GALNT13: variants seen among roughly 807,000 people sequenced by gnomAD.
GALNT13 encodes polypeptide N-acetylgalactosaminyltransferase 13.
Under a neutral mutation model 64.2 loss-of-function variants are expected in GALNT13, and 28 were observed. The observed-to-expected ratio is 0.44, with a 90% confidence interval of 0.32 to 0.60. The LOEUF is 0.60. GALNT13 is among the 20% of genes least tolerant of loss of function. GALNT13 has a pLI of 0.05. For synonymous variants in GALNT13, 214 were observed against 224.6 expected, an observed-to-expected ratio of 0.95 and a Z score of 0.42; for missense variants, 577 against 669.8, an observed-to-expected ratio of 0.86 and a Z score of 1.53.
chr2:153,986,247 G>T (rs1027497718), intron 3 of GALNT13, among the ~76,000 whole-genome samples: 2 of 151,880 alleles, frequency 1.3e-5, no homozygotes, highest in Non-Finnish European at 2.9e-5. Context: ...ATGTAGAAAA[G>T]GCAACACTTT....
the GALNT13 span, among the ~76,000 whole-genome samples, chr2:153,858,086 T>G: frequency 1.3e-5 from 2 of 152,120 alleles, no homozygotes; most frequent in African/African-American, 2.4e-5. Flanking sequence ...GAAAGAGAGA[T>G]AGGTGTATCA....
chr2:154,273,483 G>C (rs1321270386), intron 8 of GALNT13, among the ~76,000 whole-genome samples: 1 of 152,140 alleles, frequency 6.6e-6, no homozygotes, highest in Non-Finnish European at 1.5e-5. Flanking sequence ...TGACTGATTT[G>C]TTCAGCATAC....
chr2:154,022,849 C>G (rs1027066667), intron 3 of GALNT13, among the ~76,000 whole-genome samples: 77 of 152,216 alleles, frequency 5.1e-4, no homozygotes, highest in South Asian at 1.7e-3. Context: ...ATAAATTTCC[C>G]TCTACACACT....
At chr2:154,326,292 A>G (rs2105177962) in intron 9 of GALNT13, among the ~76,000 whole-genome samples, 1 of 151,918 alleles carries the variant, frequency 6.6e-6, no homozygotes, top group African/African-American at 2.4e-5. Flanking sequence ...CTGAGCTTCA[A>G]AATATGATTA....
the GALNT13 span, among the ~76,000 whole-genome samples, chr2:153,636,042 TC>T: frequency 1.3e-5 from 2 of 152,114 alleles, no homozygotes; most frequent in African/African-American, 4.8e-5. Context: ...TCCATGCATT[TC>T]TATTTCACAT....
intron 3 of GALNT13, among the ~76,000 whole-genome samples, chr2:154,135,311 C>T (rs1260062537): frequency 6.6e-6 from 1 of 152,076 alleles, no homozygotes; most frequent in Non-Finnish European, 1.5e-5. Flanking sequence ...TGTGGATAAT[C>T]TCTCTTAGCT....
At chr2:154,445,930 A>C in intron 12 of GALNT13, 1 of 584,350 alleles carries the variant, frequency 1.7e-6, no homozygotes. Flanking sequence ...CAGATAAATT[A>C]ATTAATTAAA....
At chr2:154,353,037 A>G (rs1696500061) in intron 9 of GALNT13, among the ~76,000 whole-genome samples, 1 of 152,186 alleles carries the variant, frequency 6.6e-6, no homozygotes, top group East Asian at 1.9e-4. Flanking sequence ...GAAGAAAGTC[A>G]TGGGAAGAAT....
At chr2:153,114,289 C>A in the GALNT13 span, among the ~76,000 whole-genome samples, 1 of 152,084 alleles carries the variant, frequency 6.6e-6, no homozygotes. Context: ...CTTTTTCTCT[C>A]CCTGAGGCTG....
At chr2:153,254,244 G>GT in the GALNT13 span, among the ~76,000 whole-genome samples, 1 of 152,086 alleles carries the variant, frequency 6.6e-6, no homozygotes, top group East Asian at 1.9e-4. Context: ...AGATTTTCTA[G>GT]TTTATTTGCG....
intron 9 of GALNT13, among the ~76,000 whole-genome samples, chr2:154,313,006 A>G (rs1383485332): frequency 6.6e-6 from 1 of 151,952 alleles, no homozygotes; most frequent in Non-Finnish European, 1.5e-5. Context: ...GACGGTATAA[A>G]TATTATTTGT....
At chr2:153,531,787 T>A in the GALNT13 span, among the ~76,000 whole-genome samples, 1 of 152,046 alleles carries the variant, frequency 6.6e-6, no homozygotes, top group Non-Finnish European at 1.5e-5. Context: ...AAGGAAAAAA[T>A]TGACCAAAAG....
At chr2:153,173,456 C>T in the GALNT13 span, 3 of 152,202 alleles carry the variant, frequency 2.0e-5, no homozygotes, top group Admixed American at 2.0e-4. Context: ...TGGCTTGCAG[C>T]TGCATCAATC....
chr2:154,150,844 C>T (rs995498865), intron 4 of GALNT13, among the ~76,000 whole-genome samples: 8 of 151,968 alleles, frequency 5.3e-5, no homozygotes, highest in African/African-American at 1.2e-4. Flanking sequence ...GTCTTGCTAG[C>T]GGTCTATCAA....
At chr2:153,295,627 T>G in the GALNT13 span, among the ~76,000 whole-genome samples, 708 of 152,244 alleles carry the variant, frequency 4.7e-3, 3 homozygotes, top group Middle Eastern at 0.01. Context: ...GGAATTCTTT[T>G]GCGCACTAAA....
At chr2:154,355,313 G>A (rs954221527) in intron 9 of GALNT13, among the ~76,000 whole-genome samples, 2 of 152,076 alleles carry the variant, frequency 1.3e-5, no homozygotes, top group African/African-American at 4.8e-5. Context: ...AAAATATTTA[G>A]TTAAACCACA....
chr2:153,549,929 A>C, the GALNT13 span, among the ~76,000 whole-genome samples: 1 of 152,222 alleles, frequency 6.6e-6, no homozygotes, highest in African/African-American at 2.4e-5. Flanking sequence ...TTTTTTGAAG[A>C]TCTTTCTAGC....
the GALNT13 span, among the ~76,000 whole-genome samples, chr2:153,240,920 G>T: frequency 6.6e-6 from 1 of 152,110 alleles, no homozygotes; most frequent in Non-Finnish European, 1.5e-5. Flanking sequence ...AGGGTTTTCA[G>T]TTGGCGCTCC....
the GALNT13 span, among the ~76,000 whole-genome samples, chr2:153,170,237 A>ATT: frequency 3.5e-4 from 54 of 152,222 alleles, no homozygotes; most frequent in East Asian, 8.5e-3. Flanking sequence ...TTCATCTCAT[A>ATT]TTTTTCTACA....
Sources: allele counts gnomAD v4.1 joint callset (sites outside exome capture counted in the v4.1 genomes callset), GRCh38; gene constraint gnomAD v4.1.1; transcripts MANE v1.5; gene names NCBI Gene and HGNC (gene_info 2026-07-23, HGNC 2026-07-21).